Variants in NCEH1 observed in about 807,000 individuals in gnomAD.
NCEH1 encodes neutral cholesterol ester hydrolase 1, also known as 2-acetyl MAGE hydrolase.
In NCEH1, 9 loss-of-function variants were observed where a neutral mutation model predicts 25.4. That is an observed-to-expected ratio of 0.35 (90% CI 0.21 to 0.62). The LOEUF (loss-of-function observed/expected upper bound fraction) is 0.62, where lower values mean the gene tolerates loss of function less well. NCEH1 is among the 20% of genes least tolerant of loss of function. The pLI, the probability that NCEH1 is intolerant of heterozygous loss-of-function variation, is 0.72. For synonymous variants in NCEH1, 200 were observed against 199.8 expected, an observed-to-expected ratio of 1.00 and a Z score of -0.01; for missense variants, 412 against 501.1, an observed-to-expected ratio of 0.82 and a Z score of 1.70.
At chr3:172,659,602 C>T (rs1262860151) in intron 1 of NCEH1, among the ~76,000 whole-genome samples, 8 of 152,296 alleles carry the variant, frequency 5.3e-5, no homozygotes, top group East Asian at 1.9e-4. Context: ...TTTTTTCATC[C>T]GTTGCTCAGC....
chr3:172,694,316 AT>A (rs1713235538), intron 1 of NCEH1, among the ~76,000 whole-genome samples: 1 of 152,176 alleles, frequency 6.6e-6, no homozygotes, highest in South Asian at 2.1e-4. Context: ...ACTGTAAAAT[AT>A]GTTTCCACAT....
chr3:172,685,043 C>G (rs1483542428), intron 1 of NCEH1, among the ~76,000 whole-genome samples: 1 of 149,206 alleles, frequency 6.7e-6, no homozygotes, highest in Admixed American at 6.6e-5. Context: ...CACTTTAATC[C>G]TAGCACTTTG....
At chr3:172,657,077 T>C (rs942228119) in intron 1 of NCEH1, among the ~76,000 whole-genome samples, 1 of 152,188 alleles carries the variant, frequency 6.6e-6, no homozygotes, top group African/African-American at 2.4e-5. Context: ...TCCTGACCAC[T>C]GGCCCTTTAA....
At chr3:172,665,775 T>C (rs1193023588) in intron 1 of NCEH1, among the ~76,000 whole-genome samples, 1 of 152,182 alleles carries the variant, frequency 6.6e-6, no homozygotes, top group African/African-American at 2.4e-5. Context: ...TCCATGGGTG[T>C]CGGACCCGCC....
intron 1 of NCEH1, among the ~76,000 whole-genome samples, chr3:172,658,604 T>C (rs1577065237): frequency 6.6e-6 from 1 of 152,286 alleles, no homozygotes; most frequent in East Asian, 1.9e-4. Context: ...TTCCAATTGT[T>C]TCCTCAAATA....
At chr3:172,680,190 C>T (rs1159099565) in intron 1 of NCEH1, among the ~76,000 whole-genome samples, 1 of 152,200 alleles carries the variant, frequency 6.6e-6, no homozygotes, top group East Asian at 1.9e-4. Context: ...GAAATAGACT[C>T]TCATTAGGCA....
Position 172,645,683 on chromosome 3 carries a change from T to C in NCEH1, c.377A>G (p.Tyr126Cys). 6.3e-7 allele frequency: 1 copy of C among 1,588,854 alleles called. No individual in the cohort carries two copies. Among genetic ancestry groups the C allele is most frequent in the Non-Finnish European group, 8.6e-7 (1 of 1,166,342 alleles). Reference sequence around the variant, plus strand: ...CATTGCTGTACACAGCTCATCATAATACCTGATTTCTAAAAGACACAAAGG... The same window carrying C: ...CATTGCTGTACACAGCTCATCATAACACCTGATTTCTAAAAGACACAAAGG... ...GWALASAKIR[Y>C]YDELCTAMAE... Residue 126 changes from tyrosine (Y) to cysteine (C), a missense_variant, in exon 3 of 5, where the codon TAT becomes TGT. Tyr to Cys is a radical substitution (Grantham distance 194). Transcript: ENST00000475381.
intron 2 of NCEH1, among the ~76,000 whole-genome samples, chr3:172,646,538 G>A (rs1416453343): frequency 6.6e-6 from 1 of 152,146 alleles, no homozygotes; most frequent in Admixed American, 6.6e-5. Flanking sequence ...AATTTAATAT[G>A]TAAGAATTTA....
At chr3:172,701,449 CTTTTTTTT>C (rs10701435) in intron 1 of NCEH1, among the ~76,000 whole-genome samples, 2 of 110,940 alleles carry the variant, frequency 1.8e-5, no homozygotes, top group East Asian at 4.6e-4. Context: ...GGTCTTTTGC[CTTTTTTTT>C]TTTTTTTTTA....
intron 3 of NCEH1, among the ~76,000 whole-genome samples, chr3:172,645,321 T>C (rs1171236635): frequency 1.3e-5 from 2 of 152,210 alleles, no homozygotes; most frequent in African/African-American, 2.4e-5. Context: ...ACTTTTTAGA[T>C]TTAAAAAGTT....
chr3:172,708,969 C>T (rs764361045), intron 1 of NCEH1, among the ~76,000 whole-genome samples: 4 of 152,162 alleles, frequency 2.6e-5, no homozygotes, highest in Non-Finnish European at 5.9e-5. Flanking sequence ...AATGATCTTT[C>T]TGATATTTCA....
At chr3:172,677,977 A>G (rs1162371139) in intron 1 of NCEH1, among the ~76,000 whole-genome samples, 1 of 152,242 alleles carries the variant, frequency 6.6e-6, no homozygotes, top group East Asian at 1.9e-4. Context: ...AGTTCGACTG[A>G]TCCTGACCCA....
intron 1 of NCEH1, among the ~76,000 whole-genome samples, chr3:172,708,848 A>G (rs1044499935): frequency 6.6e-6 from 1 of 152,234 alleles, no homozygotes; most frequent in Non-Finnish European, 1.5e-5. Context: ...TAAACCTTAT[A>G]GCAAACCTAC....
intron 1 of NCEH1, among the ~76,000 whole-genome samples, chr3:172,649,145 C>T (rs957592191): frequency 2.0e-4 from 31 of 152,096 alleles, no homozygotes; most frequent in African/African-American, 7.5e-4. Flanking sequence ...GTGTGCTCAT[C>T]GCCTCAGCCT....
intron 3 of NCEH1, among the ~76,000 whole-genome samples, chr3:172,640,570 C>CA (rs1392027565): frequency 6.6e-6 from 1 of 152,144 alleles, no homozygotes; most frequent in Non-Finnish European, 1.5e-5. Context: ...TGCAGTGGCA[C>CA]AATCTCGGCT....
chr3:172,642,129 C>A lies in NCEH1; in HGVS notation c.437+3494G>T, dbSNP rs901869054. Among the ~76,000 whole-genome samples the A allele has an allele frequency of 3.9e-5, 6 of 151,984 alleles. No homozygotes were observed. In the East Asian group the frequency reaches 1.2e-3, roughly 29 times the overall value. On this transcript the variant is annotated intron_variant, in intron 3 of 4. Coordinates refer to ENST00000475381, the MANE Select transcript of NCEH1 (RefSeq NM_020792.6). ...TGGAATAAAAGAAAGAAGAAAGAAG[C>A]GAGCCACTGAGATCCCGCTCTGAAC...
chr3:172,677,158 G>C lies in NCEH1; in HGVS notation c.139-29044C>G, dbSNP rs565210159. On this transcript the variant is annotated intron_variant, in intron 1 of 4. Coordinates refer to ENST00000475381, the MANE Select transcript of NCEH1 (RefSeq NM_020792.6). ...TTCCCTTCTTTGATATGACAGTTCA[G>C]AGCTTGTCCACTCATGCCCTGTGAC... Among the ~76,000 whole-genome samples, 3 of 152,314 alleles carry C rather than the reference G, an allele frequency of 2.0e-5. No homozygotes were observed. In the South Asian group the frequency reaches 6.2e-4, roughly 32 times the overall value.
chr3:172,634,072 T>C lies in NCEH1; in HGVS notation c.630A>G (p.Leu210=), dbSNP rs769858369. 12 of 1,613,416 alleles carry C rather than the reference T, an allele frequency of 7.4e-6. No homozygotes were observed. Among genetic ancestry groups the C allele is most frequent in the Non-Finnish European group, 9.3e-6 (11 of 1,179,760 alleles). The change falls in exon 5 of 5, where the codon CTA becomes CTG. Residue 210 remains leucine, a synonymous_variant. Transcript: ENST00000475381. ...LGQQFTQDAS[L]KNKLKLQALI... is the part of the protein sequence containing the mutation. Reference sequence around the variant, plus strand: ...AAGCTTGTAGTTTGAGCTTATTTTTTAGGCTGGCATCTTGAGTAAACTAGA... The same window carrying C: ...AAGCTTGTAGTTTGAGCTTATTTTTCAGGCTGGCATCTTGAGTAAACTAGA...
At chr3:172,705,348 AG>A (rs1352047683) in intron 1 of NCEH1, among the ~76,000 whole-genome samples, 17 of 152,232 alleles carry the variant, frequency 1.1e-4, no homozygotes, top group African/African-American at 4.1e-4. Context: ...GTGTGTTCTG[AG>A]TTAAGGAGTC....
Sources: allele counts gnomAD v4.1 joint callset (sites outside exome capture counted in the v4.1 genomes callset), GRCh38; gene constraint gnomAD v4.1.1; transcripts MANE v1.5; gene names NCBI Gene and HGNC (gene_info 2026-07-23, HGNC 2026-07-21).